Variants in RNF13 observed in about 807,000 individuals in gnomAD.
RNF13 encodes the protein ring finger protein 13.
In RNF13, 19 loss-of-function variants were observed where a neutral mutation model predicts 37.7. The observed-to-expected ratio is 0.50, with a 90% CI of 0.35 to 0.74. The LOEUF is 0.74. RNF13 is among the 30% of genes least tolerant of loss of function. The pLI, the probability that RNF13 is intolerant of heterozygous loss-of-function variation, is 0.01. For missense variants in RNF13, 375 were observed against 453.0 expected (o/e 0.83, Z 1.56); for synonymous variants, 144 against 157.8 (o/e 0.91, Z 0.65).
intron 1 of RNF13, among the ~76,000 whole-genome samples, chr3:149,833,168 G>GGAGTGCAA (rs1721242877): frequency 7.8e-6 from 1 of 128,176 alleles, no homozygotes; most frequent in Non-Finnish European, 1.5e-5. Flanking sequence ...TGCCTAGGCT[G>GGAGTGCAA]GAGTGCAATG....
intron 7 of RNF13, among the ~76,000 whole-genome samples, chr3:149,914,831 G>A (rs1005648213): frequency 3.3e-5 from 5 of 151,864 alleles, no homozygotes; most frequent in South Asian, 4.2e-4. Flanking sequence ...CCAGCTACTC[G>A]GGAGGCTGAG....
chr3:149,940,033 G>A (rs1720099608), intron 8 of RNF13, among the ~76,000 whole-genome samples: 1 of 152,062 alleles, frequency 6.6e-6, no homozygotes, highest in Non-Finnish European at 1.5e-5. Context: ...ATGTAGTTGG[G>A]TTAATATCTA....
chr3:149,956,089 T>G (rs915356230), intron 8 of RNF13, among the ~76,000 whole-genome samples: 3 of 151,844 alleles, frequency 2.0e-5, no homozygotes, highest in African/African-American at 7.3e-5. Context: ...GATGTGGGGG[T>G]AGAGGGATCA....
At chr3:149,823,008 A>AGTT (rs1720142802) in intron 1 of RNF13, among the ~76,000 whole-genome samples, 2 of 152,140 alleles carry the variant, frequency 1.3e-5, no homozygotes. Context: ...CAACCTCATA[A>AGTT]GTAATTAAAG....
At chr3:149,879,205 TA>T (rs1221221194) in intron 4 of RNF13, among the ~76,000 whole-genome samples, 5 of 152,162 alleles carry the variant, frequency 3.3e-5, no homozygotes, top group Non-Finnish European at 7.4e-5. Context: ...TAAATAATAG[TA>T]AAATGAATTT....
chr3:149,936,683 G>A (rs1487071994), intron 8 of RNF13, among the ~76,000 whole-genome samples: 5 of 152,022 alleles, frequency 3.3e-5, no homozygotes, highest in South Asian at 2.1e-4. Flanking sequence ...CTTGATCAGA[G>A]AACTTACACA....
At chr3:149,878,574 A>G (rs756257171) in intron 4 of RNF13, among the ~76,000 whole-genome samples, 2 of 152,216 alleles carry the variant, frequency 1.3e-5, no homozygotes, top group Non-Finnish European at 2.9e-5. Context: ...TTTTTATCCA[A>G]TAGATAAAAT....
intron 3 of RNF13, among the ~76,000 whole-genome samples, chr3:149,863,324 T>G (rs1442949767): frequency 6.6e-6 from 1 of 152,202 alleles, no homozygotes; most frequent in Non-Finnish European, 1.5e-5. Flanking sequence ...GTTTGTTATG[T>G]TTTGGAAAAC....
chr3:149,958,594 T>C (rs1576608362), intron 8 of RNF13, among the ~76,000 whole-genome samples: 1 of 152,268 alleles, frequency 6.6e-6, no homozygotes, highest in African/African-American at 2.4e-5. Flanking sequence ...ATTAACTGTT[T>C]TGTTTTTAGT....
intron 8 of RNF13, among the ~76,000 whole-genome samples, chr3:149,926,270 G>GT (rs1718639975): frequency 6.6e-6 from 1 of 152,118 alleles, no homozygotes; most frequent in Non-Finnish European, 1.5e-5. Context: ...GGAGTGGAGT[G>GT]GTGTGATCTC....
chr3:149,821,184 A>G (rs1002717132), intron 1 of RNF13, among the ~76,000 whole-genome samples: 23 of 152,320 alleles, frequency 1.5e-4, no homozygotes, highest in African/African-American at 5.5e-4. Context: ...GTATATACCA[A>G]GAATGGAATG....
chr3:149,870,985 C>A (rs920773195), intron 3 of RNF13, among the ~76,000 whole-genome samples: 15 of 147,994 alleles, frequency 1.0e-4, no homozygotes, highest in Admixed American at 4.0e-4. Flanking sequence ...TGTTTATTCA[C>A]TTTTTACAAA....
chr3:149,875,969 C>T (rs537560548), intron 4 of RNF13, among the ~76,000 whole-genome samples: 5 of 6,824 alleles, frequency 7.3e-4, no homozygotes, highest in South Asian at 6.4e-3. Flanking sequence ...GTGAGAAATA[C>T]GACTTTAAAA....
Position 149,960,749 on chromosome 3 carries a change from G to C in RNF13, c.791G>C (p.Cys264Ser). 2 of 1,607,094 alleles carry C rather than the reference G, an allele frequency of 1.2e-6. No homozygotes were observed. The highest frequency in any genetic ancestry group is 1.7e-6 in the Non-Finnish European group (2 of 1,177,560). ...TATTTTGCTTCAACAGCTTATCACT[G>C]CAAGTGTGTAGACCCTTGGCTAACT... ...RILPCSHAYH[C>S]KCVDPWLTKT... is the part of the protein sequence containing the mutation. The change falls in exon 10 of 10, where the codon TGC becomes TCC. Residue 264 changes from cysteine to serine, a missense_variant. Transcript: ENST00000392894.
chr3:149,881,136 G>A (rs913408410), intron 4 of RNF13, among the ~76,000 whole-genome samples: 23 of 152,212 alleles, frequency 1.5e-4, no homozygotes, highest in African/African-American at 5.5e-4. Flanking sequence ...TGCAGATTTA[G>A]GCCAATCTTT....
chr3:149,836,701 A>G (rs929992152), intron 1 of RNF13, among the ~76,000 whole-genome samples: 1 of 152,178 alleles, frequency 6.6e-6, no homozygotes, highest in Admixed American at 6.5e-5. Flanking sequence ...AATTTAAAGC[A>G]GGAACTCAGT....
In RNF13 at chr3:149,960,867, T is replaced by C; in HGVS notation, c.909T>C (p.Asn303=). Residue 303 remains asparagine (N), a synonymous_variant, in exon 10 of 10, where the codon AAT becomes AAC. Transcript: ENST00000392894. ...DSDTDSSQEE[N]EVTEHTPLLR... ...ACACAGACAGTAGTCAAGAAGAAAATGAAGTGACAGAACATACCCCTTTAC... is the reference window on the plus strand; with the variant it reads ...ACACAGACAGTAGTCAAGAAGAAAACGAAGTGACAGAACATACCCCTTTAC... 1 of 1,614,074 alleles carries C rather than the reference T, an allele frequency of 6.2e-7. No individual in the cohort carries two copies.
At chr3:149,899,913 T>C (rs1432730884) in intron 5 of RNF13, among the ~76,000 whole-genome samples, 3 of 152,236 alleles carry the variant, frequency 2.0e-5, no homozygotes, top group Non-Finnish European at 4.4e-5. Context: ...AGATATTGAA[T>C]GGACAATTGG....
chr3:149,924,501 A>C (rs1718448603), intron 8 of RNF13, among the ~76,000 whole-genome samples: 1 of 152,168 alleles, frequency 6.6e-6, no homozygotes, highest in Admixed American at 6.5e-5. Flanking sequence ...ATAGGAAGAA[A>C]ATCAGGAGAG....
Sources: gnomAD v4.1 joint callset for allele counts (sites outside exome capture counted in the v4.1 genomes callset) on GRCh38, gnomAD v4.1.1 for gene constraint, MANE v1.5 for transcripts, NCBI Gene and HGNC (gene_info 2026-07-23, HGNC 2026-07-21) for gene names.